The following EBF3 variants were observed in gnomAD, a reference collection of about 807,000 sequenced individuals.
The protein encoded by EBF3 is EBF transcription factor 3, also known as transcription factor COE3.
Under a neutral mutation model 77.1 loss-of-function variants are expected in EBF3, and 18 were observed. The ratio of observed to expected loss-of-function variants is 0.23; its 90% confidence interval spans 0.16 to 0.35. The LOEUF is 0.35. EBF3 is among the 10% of genes least tolerant of loss of function. The pLI, the probability that EBF3 is intolerant of heterozygous loss-of-function variation, is 1.00. For synonymous variants in EBF3, 350 were observed against 343.5 expected (o/e 1.02, Z -0.21); for missense variants, 558 against 860.0 (o/e 0.65, Z 4.39).
chr10:129,956,214 G>A (rs1049594996), intron 6 of EBF3, among the ~76,000 whole-genome samples: 3 of 152,154 alleles, frequency 2.0e-5, no homozygotes, highest in African/African-American at 4.8e-5. Context: ...GGAGTTTTCC[G>A]GGTTTAATTT....
intron 6 of EBF3, among the ~76,000 whole-genome samples, chr10:129,940,024 G>A (rs937717635): frequency 2.6e-5 from 4 of 152,206 alleles, no homozygotes; most frequent in Admixed American, 1.3e-4. Context: ...CCTCTTTTCC[G>A]AGTACACAAC....
chr10:129,937,337 T>C lies in EBF3; in HGVS notation c.554+19921A>G, dbSNP rs570662956. 1.6e-4 allele frequency among the ~76,000 whole-genome samples: 25 copies of C among 152,194 alleles called. 1 individual carries two copies. The highest frequency in any genetic ancestry group is 8.3e-4 in the South Asian group (4 of 4,824). On this transcript the variant is annotated intron_variant, in intron 6 of 16. Transcript: ENST00000440978. ...ACAGAGGCTCAGGACACCCCAAATC[T>C]AGACAAGCCTTCCCTGGGTGACCCT...
At position 129,870,810 on chromosome 10, in the gene EBF3, T is replaced by C. The variant is rs1333921526; in HGVS notation, c.781+2642A>G. 6.6e-6 allele frequency among the ~76,000 whole-genome samples: 1 copy of C among 152,114 alleles called. No individual in the cohort carries two copies. Among genetic ancestry groups the C allele is most frequent in the Non-Finnish European group, 1.5e-5 (1 of 68,032 alleles). The stretch of plus-strand genomic sequence containing the variant: ...GGTTTTTTTCCTTTCTTTTGGGGTC[T>C]CTCCACCCTATCCAGTATTCTATTA... On this transcript the variant is annotated intron_variant, in intron 8 of 16. Coordinates refer to ENST00000440978, the MANE Select transcript of EBF3 (RefSeq NM_001375380.1). The surrounding 1 kb of genome is among the most constrained non-coding windows in gnomAD (Gnocchi z 4.4).
In EBF3 at chr10:129,842,872, G is replaced by A. The variant is rs1850184570; in HGVS notation, c.1194+265C>T. ...CCAGCGGCACCAACACCGTCCACCC[G>A]CCACTGCACACTGCAGATGGGTTTC... On this transcript the variant is annotated intron_variant, in intron 12 of 16. Coordinates refer to ENST00000440978, the MANE Select transcript of EBF3 (RefSeq NM_001375380.1). This position sits in a 1 kb window ranked among gnomAD's most constrained non-coding sequence, Gnocchi z 4.4. 6.6e-6 allele frequency among the ~76,000 whole-genome samples: 1 copy of A among 150,776 alleles called. No homozygotes were observed. The highest frequency in any genetic ancestry group is 2.1e-4 in the South Asian group (1 of 4,710).
chr10:129,916,281 G>A (rs887631729), intron 6 of EBF3, among the ~76,000 whole-genome samples: 3 of 152,228 alleles, frequency 2.0e-5, no homozygotes, highest in African/African-American at 7.2e-5. Flanking sequence ...CCAGCTCTGT[G>A]ACCCTGGACA....
At chr10:129,901,948 C>T (rs1854813886) in intron 6 of EBF3, among the ~76,000 whole-genome samples, 1 of 152,216 alleles carries the variant, frequency 6.6e-6, no homozygotes, top group Admixed American at 6.5e-5. Flanking sequence ...AGCTAACGAA[C>T]ATTCCCAAAT....
At chr10:129,840,771 A>G in intron 14 of EBF3, 73 bp downstream of exon 14, 1 of 1,538,142 alleles carries the variant, frequency 6.5e-7, no homozygotes, top group Non-Finnish European at 8.8e-7. Flanking sequence ...CAGAACATCC[A>G]AGCAATGCAC....
rs181362894 is a variant in EBF3, at chr10:129,848,076, C to T, written c.1128+316G>A. Among the ~76,000 whole-genome samples, 8 of 152,296 alleles carry T rather than the reference C, an allele frequency of 5.3e-5. No homozygotes were observed. Among genetic ancestry groups the T allele is most frequent in the African/African-American group, 9.6e-5 (4 of 41,560 alleles). On this transcript the variant is annotated intron_variant, in intron 11 of 16. Transcript: ENST00000440978. This position sits in a 1 kb window ranked among gnomAD's most constrained non-coding sequence, Gnocchi z 4.4. Reference sequence around the variant, plus strand: ...TGTTTAATTGAACTATTTCATTACGCGGAAGTTTATGTCCCCCTCACAGAA... The same window carrying T: ...TGTTTAATTGAACTATTTCATTACGTGGAAGTTTATGTCCCCCTCACAGAA...
intron 6 of EBF3, 90 bp from the exon 7 acceptor site, chr10:129,877,939 G>A (rs1852910406): frequency 9.8e-7 from 1 of 1,024,972 alleles, no homozygotes; most frequent in African/African-American, 1.6e-5. Flanking sequence ...AGGGAGGAGT[G>A]GAGACTCAAC....
At chr10:129,882,032 T>C (rs772747535) in intron 6 of EBF3, among the ~76,000 whole-genome samples, 4 of 152,356 alleles carry the variant, frequency 2.6e-5, no homozygotes, top group Middle Eastern at 3.4e-3. Flanking sequence ...TCAACCGTTT[T>C]AACTGGAGCC....
In EBF3 at chr10:129,883,646, A is replaced by G. The variant is rs138684660; in HGVS notation, c.555-5797T>C. Among the ~76,000 whole-genome samples, 117 of 151,886 alleles carry G rather than the reference A, an allele frequency of 7.7e-4. No homozygotes were observed. The Middle Eastern group carries it at 0.01, about 13-fold the overall frequency. On this transcript the variant is annotated intron_variant, in intron 6 of 16. Transcript: ENST00000440978. The stretch of plus-strand genomic sequence containing the variant: ...TTCCGGATCGAGCCCCCATGTTTTC[A>G]GTTACTACTGTTTTAATACGTAATA...
chr10:129,944,570 A>ACT lies in EBF3; in HGVS notation c.554+12686_554+12687dup, dbSNP rs574340280. ...GAAATTTCTGTCATATTTCATTATC[A>ACT]CTCTTAGGGTAGGCTGAAGGCAGCG... On this transcript the variant is annotated intron_variant, in intron 6 of 16. Transcript: ENST00000440978. The surrounding 1 kb of genome is among the most constrained non-coding windows in gnomAD (Gnocchi z 5.1). 1.3e-5 allele frequency among the ~76,000 whole-genome samples: 2 copies of ACT among 152,098 alleles called. No individual in the cohort carries two copies. Among genetic ancestry groups the ACT allele is most frequent in the African/African-American group, 4.8e-5 (2 of 41,484 alleles).
Position 129,864,924 on chromosome 10 carries a change from G to A in EBF3, c.1039+2217C>T, listed in dbSNP as rs940054092. Among the ~76,000 whole-genome samples, 30 of 152,226 alleles carry A rather than the reference G, an allele frequency of 2.0e-4. No homozygotes were observed. Among genetic ancestry groups the A allele is most frequent in the Non-Finnish European group, 3.5e-4 (24 of 68,048 alleles). On this transcript the variant is annotated intron_variant, in intron 10 of 16. Coordinates refer to ENST00000440978, the MANE Select transcript of EBF3 (RefSeq NM_001375380.1). The surrounding 1 kb of genome is among the most constrained non-coding windows in gnomAD (Gnocchi z 4.4). ...GGACCATTTATGGAGTGCCTGCCAT[G>A]TGTTAGACACTGTACATAAGTCATC...
chr10:129,848,568 A>C lies in EBF3; in HGVS notation c.1040-88T>G. 7.2e-7 allele frequency: 1 copy of C among 1,391,236 alleles called. No homozygotes were observed. Among genetic ancestry groups the C allele is most frequent in the Non-Finnish European group, 1.0e-6 (1 of 977,706 alleles). The allele number at this position is 1,391,236 out of a possible 1,614,324, so 86.2% of individuals were successfully genotyped here. On this transcript the variant is annotated intron_variant, in intron 10 of 16. Coordinates refer to ENST00000440978, the MANE Select transcript of EBF3 (RefSeq NM_001375380.1). The surrounding 1 kb of genome is among the most constrained non-coding windows in gnomAD (Gnocchi z 4.4). ...ATTGCACACTTACAAATAAATGTGTAGTTCTCCTGCTCTGATGCTCTCTAA... is the reference window on the plus strand; with the variant it reads ...ATTGCACACTTACAAATAAATGTGTCGTTCTCCTGCTCTGATGCTCTCTAA...
intron 6 of EBF3, among the ~76,000 whole-genome samples, chr10:129,918,090 C>T (rs1273346299): frequency 6.6e-6 from 1 of 152,168 alleles, no homozygotes; most frequent in Non-Finnish European, 1.5e-5. Flanking sequence ...TAGGAAGGGG[C>T]CCAGGTGGCC....
intron 5 of EBF3, 88 bp downstream of exon 5, chr10:129,958,846 G>C: frequency 1.4e-6 from 2 of 1,452,154 alleles, no homozygotes; most frequent in Non-Finnish European, 1.8e-6. Flanking sequence ...AGCTGGGCGG[G>C]GTGGCGGCGC....
chr10:129,892,945 C>T (rs1854125871), intron 6 of EBF3, among the ~76,000 whole-genome samples: 1 of 152,254 alleles, frequency 6.6e-6, no homozygotes, highest in South Asian at 2.1e-4. Context: ...TAGCATACTT[C>T]CCATGCTCGT....
At position 129,864,289 on chromosome 10, in the gene EBF3, G is replaced by A. The variant is rs982665452; in HGVS notation, c.1039+2852C>T. 6.6e-6 allele frequency among the ~76,000 whole-genome samples: 1 copy of A among 152,134 alleles called. No homozygotes were observed. Among genetic ancestry groups the A allele is most frequent in the South Asian group, 2.1e-4 (1 of 4,820 alleles). ...GCCCGGCCATGCTGGGAATTGGGGGGACGCTGACATCACAGGCTCCGCCAC... is the reference window on the plus strand; with the variant it reads ...GCCCGGCCATGCTGGGAATTGGGGGAACGCTGACATCACAGGCTCCGCCAC... On this transcript the variant is annotated intron_variant, in intron 10 of 16. Transcript: ENST00000440978. The surrounding 1 kb of genome is among the most constrained non-coding windows in gnomAD (Gnocchi z 4.4).
chr10:129,904,627 AATGG>A lies in EBF3; in HGVS notation c.555-26782_555-26779del, dbSNP rs34613166. Among the ~76,000 whole-genome samples, 504 of 149,822 alleles carry A rather than the reference AATGG, an allele frequency of 3.4e-3. 1 individual carries two copies. The highest frequency in any genetic ancestry group is 5.1e-3 in the South Asian group (24 of 4,684). ...GGATAGACGGATGGCTGGATGGACA[AATGG>A]ATGGATGGATGGATGGATGGATGGA... On this transcript the variant is annotated intron_variant, in intron 6 of 16. Transcript: ENST00000440978.
Sources: allele counts gnomAD v4.1 joint callset (sites outside exome capture counted in the v4.1 genomes callset), GRCh38; gene constraint gnomAD v4.1.1; non-coding constraint Gnocchi (gnomAD v3.1); transcripts MANE v1.5; gene names NCBI Gene and HGNC (gene_info 2026-07-23, HGNC 2026-07-21).